The following ENTREP1 variants were observed in gnomAD, a reference collection of about 807,000 sequenced individuals.
The protein encoded by ENTREP1 is Friedreich ataxia region gene X123.
chr9:69,326,041 T>A, the ENTREP1 span, among the ~76,000 whole-genome samples: 1 of 152,096 alleles, frequency 6.6e-6, no homozygotes, highest in Admixed American at 6.5e-5. Flanking sequence ...GGGAGGAAAA[T>A]GATTAAACTT....
chr9:69,333,889 A>G, the ENTREP1 span, among the ~76,000 whole-genome samples: 2 of 152,244 alleles, frequency 1.3e-5, no homozygotes, highest in African/African-American at 2.4e-5. Flanking sequence ...GTGCACACAC[A>G]TGCAAGCACA....
At chr9:69,325,856 G>C in the ENTREP1 span, 1 of 1,187,472 alleles carries the variant, frequency 8.4e-7, no homozygotes. Context: ...GAAGTTTTTG[G>C]AGGCTGGAGA....
the ENTREP1 span, chr9:69,387,473 C>T: frequency 1.7e-5 from 3 of 179,340 alleles, no homozygotes; most frequent in African/African-American, 7.2e-5. Context: ...AGAAGCATTG[C>T]TGGTCTTTAC....
At chr9:69,341,415 C>T in the ENTREP1 span, among the ~76,000 whole-genome samples, 1 of 152,078 alleles carries the variant, frequency 6.6e-6, no homozygotes, top group Non-Finnish European at 1.5e-5. Flanking sequence ...TTTCTAACCT[C>T]AAGATTATAG....
chr9:69,346,399 T>TA, the ENTREP1 span, among the ~76,000 whole-genome samples: 1 of 152,220 alleles, frequency 6.6e-6, no homozygotes, highest in Non-Finnish European at 1.5e-5. Flanking sequence ...TCTTGTTTTT[T>TA]AAAAAGTTAT....
the ENTREP1 span, chr9:69,377,654 G>A: frequency 4.3e-6 from 7 of 1,614,036 alleles, no homozygotes; most frequent in South Asian, 1.1e-5. Flanking sequence ...GATCATGGAC[G>A]CATCCCCGAC....
chr9:69,369,522 A>G, the ENTREP1 span, among the ~76,000 whole-genome samples: 1 of 151,542 alleles, frequency 6.6e-6, no homozygotes, highest in South Asian at 2.1e-4. Flanking sequence ...AATGATTGCC[A>G]TTCTAACTGG....
At chr9:69,366,959 C>G in the ENTREP1 span, among the ~76,000 whole-genome samples, 1 of 152,030 alleles carries the variant, frequency 6.6e-6, no homozygotes, top group African/African-American at 2.4e-5. Flanking sequence ...GCCTGTCACC[C>G]ACGCTGAAGT....
the ENTREP1 span, among the ~76,000 whole-genome samples, chr9:69,331,074 A>G: frequency 6.6e-6 from 1 of 151,808 alleles, no homozygotes; most frequent in South Asian, 2.1e-4. Flanking sequence ...CTAGACAGAT[A>G]GGGAAGAAAT....
the ENTREP1 span, among the ~76,000 whole-genome samples, chr9:69,348,060 CT>C: frequency 2.6e-5 from 4 of 152,014 alleles, no homozygotes; most frequent in Non-Finnish European, 5.9e-5. Flanking sequence ...TCTTTTCTTT[CT>C]TTCTTTTTGT....
chr9:69,385,761 C>T, the ENTREP1 span: 2 of 1,409,628 alleles, frequency 1.4e-6, no homozygotes, highest in Middle Eastern at 2.4e-4. Flanking sequence ...TATGTTTCGC[C>T]TCTTTTTTTT....
At chr9:69,380,463 G>A in the ENTREP1 span, 2 of 152,124 alleles carry the variant, frequency 1.3e-5, no homozygotes, top group Admixed American at 1.3e-4. Context: ...TTTCCTGTAA[G>A]GTATTATGAC....
At chr9:69,351,151 C>G in the ENTREP1 span, among the ~76,000 whole-genome samples, 8 of 152,172 alleles carry the variant, frequency 5.3e-5, no homozygotes, top group Non-Finnish European at 1.0e-4. Flanking sequence ...ACTGAAATAA[C>G]ATCTACAACT....
At chr9:69,377,439 C>T in the ENTREP1 span, 42 of 1,614,052 alleles carry the variant, frequency 2.6e-5, no homozygotes, top group East Asian at 1.6e-4. Flanking sequence ...CGCTGCCCTC[C>T]GCTACCTCCA....
the ENTREP1 span, among the ~76,000 whole-genome samples, chr9:69,364,378 C>A: frequency 1.0e-5 from 1 of 100,354 alleles, no homozygotes; most frequent in Non-Finnish European, 2.0e-5. Context: ...AAACTCCGAT[C>A]CCCTGCAATG....
At chr9:69,377,824 A>G in the ENTREP1 span, 4 of 1,419,302 alleles carry the variant, frequency 2.8e-6, no homozygotes, top group Non-Finnish European at 3.8e-6. Flanking sequence ...AACTCACCAC[A>G]TGAGATCTCA....
At chr9:69,371,640 T>C in the ENTREP1 span, 1 of 1,396,754 alleles carries the variant, frequency 7.2e-7, no homozygotes, top group East Asian at 2.3e-5. Flanking sequence ...ACTGTGCATC[T>C]AGGCAGACCC....
chr9:69,329,287 G>T, the ENTREP1 span: 4 of 890,656 alleles, frequency 4.5e-6, no homozygotes, highest in Non-Finnish European at 5.4e-6. Context: ...AATTTTGCTT[G>T]TGTATTTGAT....
the ENTREP1 span, among the ~76,000 whole-genome samples, chr9:69,360,502 A>C: frequency 5.3e-5 from 8 of 152,204 alleles, no homozygotes; most frequent in South Asian, 8.3e-4. Context: ...CAAGTTAACA[A>C]AGGTTAACTT....
Sources: allele counts gnomAD v4.1 joint callset (sites outside exome capture counted in the v4.1 genomes callset), GRCh38; gene constraint gnomAD v4.1.1; transcripts MANE v1.5; gene names NCBI Gene and HGNC (gene_info 2026-07-23, HGNC 2026-07-21).